The following PRKN variants were observed in gnomAD, a reference collection of about 807,000 sequenced individuals.
PRKN encodes E3 ubiquitin-protein ligase parkin.
In PRKN, 56 loss-of-function variants were observed where a neutral mutation model predicts 59.5. The observed-to-expected ratio is 0.94, with a 90% CI of 0.76 to 1.18. PRKN has a LOEUF of 1.18. PRKN is among the 50% of genes most tolerant of loss of function. The pLI, the probability that PRKN is intolerant of heterozygous loss-of-function variation, is 0.00. For missense variants in PRKN, 657 were observed against 596.4 expected (o/e 1.10, Z -1.06); for synonymous variants, 250 against 222.1 (o/e 1.13, Z -1.12).
At chr6:162,611,782 T>C (rs1005833866) in intron 1 of PRKN, among the ~76,000 whole-genome samples, 4 of 152,126 alleles carry the variant, frequency 2.6e-5, no homozygotes, top group Non-Finnish European at 5.9e-5. Flanking sequence ...AGACTCAAGG[T>C]AAATGTTTGT....
intron 2 of PRKN, among the ~76,000 whole-genome samples, chr6:162,356,996 T>C (rs1784898501): frequency 1.3e-5 from 2 of 151,462 alleles, no homozygotes; most frequent in South Asian, 4.2e-4. Flanking sequence ...TAAACTTCAA[T>C]ATAAAATGCA....
intron 6 of PRKN, among the ~76,000 whole-genome samples, chr6:161,959,715 C>T (rs1280028124): frequency 6.6e-6 from 1 of 152,090 alleles, no homozygotes; most frequent in Non-Finnish European, 1.5e-5. Context: ...CTAAAAATAA[C>T]TATTTATGAC....
At chr6:162,145,600 A>C (rs922833737) in intron 4 of PRKN, among the ~76,000 whole-genome samples, 1 of 152,174 alleles carries the variant, frequency 6.6e-6, no homozygotes, top group African/African-American at 2.4e-5. Flanking sequence ...TGAAAGCAAA[A>C]GTACACTCCA....
At chr6:162,150,009 A>G (rs1782198813) in intron 4 of PRKN, among the ~76,000 whole-genome samples, 1 of 152,138 alleles carries the variant, frequency 6.6e-6, no homozygotes, top group Admixed American at 6.5e-5. Context: ...TAAATCCCCA[A>G]CCTAGAGCAC....
intron 4 of PRKN, among the ~76,000 whole-genome samples, chr6:162,091,999 G>A (rs544637707): frequency 6.0e-5 from 9 of 150,146 alleles, no homozygotes; most frequent in African/African-American, 2.2e-4. Context: ...TTGGGCCACT[G>A]CACTCCAGCC....
intron 2 of PRKN, among the ~76,000 whole-genome samples, chr6:162,381,021 G>A (rs948454595): frequency 6.6e-6 from 1 of 152,060 alleles, no homozygotes. Context: ...AGCAGGATCC[G>A]CAGGCGAACC....
chr6:162,213,400 A>C (rs1216512373), intron 3 of PRKN, among the ~76,000 whole-genome samples: 1 of 151,912 alleles, frequency 6.6e-6, no homozygotes, highest in Non-Finnish European at 1.5e-5. Context: ...TTCACAATGC[A>C]TACACAACTG....
At chr6:161,712,586 T>C (rs1408237151) in intron 7 of PRKN, among the ~76,000 whole-genome samples, 2 of 152,196 alleles carry the variant, frequency 1.3e-5, no homozygotes, top group Non-Finnish European at 2.9e-5. Context: ...AAAATTTGTT[T>C]TTATTTTGAA....
intron 1 of PRKN, among the ~76,000 whole-genome samples, chr6:162,456,938 G>C (rs181718950): frequency 6.6e-6 from 1 of 152,042 alleles, no homozygotes; most frequent in Non-Finnish European, 1.5e-5. Flanking sequence ...GGGCCATTTC[G>C]AACAATGAAA....
chr6:161,777,592 G>A (rs1432578839), intron 7 of PRKN, among the ~76,000 whole-genome samples: 1 of 149,250 alleles, frequency 6.7e-6, no homozygotes, highest in African/African-American at 2.5e-5. Context: ...TAAGACGTTT[G>A]GTGCATGAGA....
At chr6:161,898,228 A>G in intron 6 of PRKN, among the ~76,000 whole-genome samples, 1 of 152,166 alleles carries the variant, frequency 6.6e-6, no homozygotes, top group East Asian at 1.9e-4. Context: ...AATTTCAATC[A>G]GCAATCAGAT....
intron 1 of PRKN, among the ~76,000 whole-genome samples, chr6:162,534,670 C>A (rs1778646140): frequency 6.6e-6 from 1 of 152,184 alleles, no homozygotes; most frequent in Non-Finnish European, 1.5e-5. Flanking sequence ...CAGCCTCAGA[C>A]AACTGCACTC....
rs1209178351 is a variant in PRKN at position 161,355,246 on chromosome 6, C to G, written c.1285+4842G>C. Among the ~76,000 whole-genome samples the G allele has an allele frequency of 6.6e-6, 1 of 152,218 alleles. No individual in the cohort carries two copies. The highest frequency in any genetic ancestry group is 2.1e-4 in the South Asian group (1 of 4,830). On this transcript the variant is annotated intron_variant, in intron 11 of 11. Transcript: ENST00000366898. This position sits in a 1 kb window ranked among gnomAD's most constrained non-coding sequence, Gnocchi z 6.8. ...CTTCCTTGCCTTGCTCATATCTGCT[C>G]ATTCTTCAATTCTTGGCTGGTATCA...
Position 161,778,869 on chromosome 6 carries a change from C to T in PRKN, c.871+6903G>A, listed in dbSNP as rs74298761. On this transcript the variant is annotated intron_variant, in intron 7 of 11. Coordinates refer to ENST00000366898, the MANE Select transcript of PRKN (RefSeq NM_004562.3). ...GCAGTCCAGCTTCCATAAAGCTGTGCTTTCAATACATTATTTGTTTCTTTA... is the reference window on the plus strand; with the variant it reads ...GCAGTCCAGCTTCCATAAAGCTGTGTTTTCAATACATTATTTGTTTCTTTA... 0.015 allele frequency among the ~76,000 whole-genome samples: 2,267 copies of T among 152,254 alleles called. 256 individuals are homozygous for T. The East Asian group carries it at 0.3, about 20-fold the overall frequency.
At chr6:162,452,211 T>C (rs915696854) in intron 1 of PRKN, among the ~76,000 whole-genome samples, 1 of 152,154 alleles carries the variant, frequency 6.6e-6, no homozygotes, top group African/African-American at 2.4e-5. Flanking sequence ...AAAATTAAGA[T>C]AATTTATCAC....
intron 2 of PRKN, among the ~76,000 whole-genome samples, chr6:162,393,803 A>G (rs1787340969): frequency 6.6e-6 from 1 of 152,230 alleles, no homozygotes; most frequent in Non-Finnish European, 1.5e-5. Flanking sequence ...TCTGGGAGAC[A>G]GCTAATAAAC....
chr6:162,650,592 C>G (rs1222524716), intron 1 of PRKN, among the ~76,000 whole-genome samples: 1 of 110,878 alleles, frequency 9.0e-6, no homozygotes, highest in African/African-American at 3.1e-5. Context: ...AGCGAGACTC[C>G]GTCTCAAAAA....
chr6:162,153,043 A>C (rs1782341509), intron 4 of PRKN, among the ~76,000 whole-genome samples: 1 of 152,232 alleles, frequency 6.6e-6, no homozygotes, highest in Non-Finnish European at 1.5e-5. Context: ...TAAATGCCTG[A>C]ATTACCAGGG....
chr6:162,571,151 C>A, intron 1 of PRKN: 1 of 155,574 alleles, frequency 6.4e-6, no homozygotes, highest in Non-Finnish European at 1.4e-5. Context: ...TAGTGAAACC[C>A]CTGTCTCTAC....
Sources: gnomAD v4.1 joint callset for allele counts (sites outside exome capture counted in the v4.1 genomes callset) on GRCh38, gnomAD v4.1.1 for gene constraint, Gnocchi (gnomAD v3.1) non-coding constraint, MANE v1.5 for transcripts, NCBI Gene and HGNC (gene_info 2026-07-23, HGNC 2026-07-21) for gene names.